HOMER3: variants seen among roughly 807,000 people sequenced by gnomAD.
HOMER3 encodes the protein homer protein homolog 3.
HOMER3 carries 34 observed loss-of-function variants against 45.5 expected under a neutral mutation model. The observed-to-expected ratio is 0.75, with a 90% CI of 0.57 to 1.00. The LOEUF (loss-of-function observed/expected upper bound fraction) is 1.00. Ranked by LOEUF, HOMER3 falls within the 50% of genes least tolerant of loss-of-function variation. HOMER3 has a pLI of 0.00. For synonymous variants in HOMER3, 223 were observed against 208.8 expected (o/e 1.07, Z -0.58); for missense variants, 480 against 497.5 (o/e 0.96, Z 0.33).
At chr19:18,938,509 G>C in intron 3 of HOMER3, 25 bp from the exon 4 acceptor site, 1 of 1,607,608 alleles carries the variant, frequency 6.2e-7, no homozygotes, top group African/African-American at 1.3e-5. Flanking sequence ...CAAAGTTCAA[G>C]GTAGATGGGA....
At chr19:18,931,132 C>T (rs2057026849) in intron 9 of HOMER3, 193 bp downstream of exon 9, 1 of 559,594 alleles carries the variant, frequency 1.8e-6, no homozygotes, top group African/African-American at 1.9e-5. Flanking sequence ...GGAACTCAAG[C>T]ATTGCTTGTT....
chr19:18,931,973 C>T lies in HOMER3; in HGVS notation c.690+3G>A, dbSNP rs1413964004. On this transcript the variant is annotated splice_donor_region_variant and intron_variant, in intron 7 of 9. Transcript: ENST00000392351. Reference sequence around the variant, plus strand: ...GGTCTCTCGGAGGGAGGGGTGCCCTCACCCGCTGCCGCAGCCGCTCGGCCT... The same window carrying T: ...GGTCTCTCGGAGGGAGGGGTGCCCTTACCCGCTGCCGCAGCCGCTCGGCCT... 1 of 1,524,914 alleles carries T rather than the reference C, an allele frequency of 6.6e-7. No homozygotes were observed. The highest frequency in any genetic ancestry group is 8.8e-7 in the Non-Finnish European group (1 of 1,135,570). 94.5% of individuals were successfully genotyped at this position (1,524,914 alleles called of 1,614,324 possible). A position where few individuals can be genotyped will look rare whatever the true frequency, so the allele number is the denominator to read the frequency against.
intron 4 of HOMER3, among the ~76,000 whole-genome samples, chr19:18,936,418 C>T (rs577434128): frequency 2.1e-4 from 30 of 142,596 alleles, no homozygotes; most frequent in Admixed American, 3.6e-4. Flanking sequence ...AGGCGGATTA[C>T]CTGAAGTCAG....
chr19:18,933,046 C>T lies in HOMER3; in HGVS notation c.412-1G>A. 1 of 1,489,534 alleles carries T rather than the reference C, an allele frequency of 6.7e-7. No homozygotes were observed. Among genetic ancestry groups the T allele is most frequent in the Non-Finnish European group, 8.9e-7 (1 of 1,124,540 alleles). 92.3% of individuals were successfully genotyped at this position (1,489,534 alleles called of 1,614,324 possible). Reference sequence around the variant, plus strand: ...CACTGACGAGAGGGCTCGGGGGCACCTAGGCACGGGGAAAAGAATAGGTCA... The same window carrying T: ...CACTGACGAGAGGGCTCGGGGGCACTTAGGCACGGGGAAAAGAATAGGTCA... On this transcript the variant is annotated splice_acceptor_variant, in intron 5 of 9. Coordinates refer to ENST00000392351, the MANE Select transcript of HOMER3 (RefSeq NM_004838.4). LOFTEE classifies it high-confidence loss of function.
At chr19:18,935,238 C>G (rs1371452469) in intron 4 of HOMER3, among the ~76,000 whole-genome samples, 2 of 149,722 alleles carry the variant, frequency 1.3e-5, no homozygotes, top group East Asian at 4.0e-4. Flanking sequence ...CTCCCAGGTT[C>G]AAGCGAGTCT....
intron 9 of HOMER3, among the ~76,000 whole-genome samples, chr19:18,930,661 G>A (rs371022035): frequency 1.4e-4 from 22 of 151,866 alleles, no homozygotes; most frequent in African/African-American, 4.3e-4. Context: ...GATTGCTCAC[G>A]GTCAGGAGTT....
chr19:18,938,709 A>AACCCC lies in HOMER3; in HGVS notation c.171+18_171+19insGGGGT. ...CCAGGACTCCTGGTGCCTCTGCCCCACCCAGACCCCACCCTGACCTTGGCG... is the reference window on the plus strand; with the variant it reads ...CCAGGACTCCTGGTGCCTCTGCCCCAACCCCCCCAGACCCCACCCTGACCTTGGCG... On this transcript the variant is annotated intron_variant, in intron 3 of 9. Coordinates refer to ENST00000392351, the MANE Select transcript of HOMER3 (RefSeq NM_004838.4). 6.4e-6 allele frequency: 6 copies of AACCCC among 940,898 alleles called. No individual in the cohort carries two copies. The highest frequency in any genetic ancestry group is 9.6e-6 in the Non-Finnish European group (6 of 626,770). The allele number at this position is 940,898 out of a possible 1,614,324, so 58.3% of individuals were successfully genotyped here. A position where few individuals can be genotyped will look rare whatever the true frequency, so the allele number is the denominator to read the frequency against.
At chr19:18,936,925 T>C (rs1471999083) in intron 4 of HOMER3, among the ~76,000 whole-genome samples, 1 of 149,350 alleles carries the variant, frequency 6.7e-6, no homozygotes, top group East Asian at 2.0e-4. Flanking sequence ...GGTGTGAACC[T>C]GGGAGGCAGA....
chr19:18,929,549 C>A lies in HOMER3; in HGVS notation c.980G>T (p.Arg327Leu). The change falls in exon 10 of 10, where the codon CGG becomes CTG. Residue 327 changes from arginine (R) to leucine (L), a missense_variant. Coordinates refer to ENST00000392351, the MANE Select transcript of HOMER3 (RefSeq NM_004838.4). ...TGCCCGGCCCACCTCAGCCCGCGCC[C>A]GCTCCCGCTCTGCCCGTGCCTCCTC... ...SLEEARAERE[R>L]ARAEVGRAAQ... 2 of 1,554,458 alleles carry A rather than the reference C, an allele frequency of 1.3e-6. No homozygotes were observed. The highest frequency in any genetic ancestry group is 1.7e-6 in the Non-Finnish European group (2 of 1,151,390).
intron 4 of HOMER3, among the ~76,000 whole-genome samples, chr19:18,937,000 CAAA>C (rs758983070): frequency 3.2e-5 from 3 of 93,412 alleles, no homozygotes; most frequent in African/African-American, 4.0e-5. Flanking sequence ...GACTCCGTCT[CAAA>C]AAAAAAAAAA....
intron 1 of HOMER3, 80 bp from the exon 2 acceptor site, chr19:18,939,129 AC>A: frequency 1.4e-6 from 1 of 735,376 alleles, no homozygotes; most frequent in Non-Finnish European, 2.1e-6. Context: ...AGGACCCATC[AC>A]CAGGTGTGCC....
Position 18,939,272 on chromosome 19 carries a change from T to G in HOMER3, c.-67-223A>C, listed in dbSNP as rs1601289810. The G allele has an allele frequency of 1.2e-5, 5 of 402,754 alleles. No individual in the cohort carries two copies. The East Asian group carries it at 1.9e-4, about 16-fold the overall frequency. 24.9% of individuals were successfully genotyped at this position (402,754 alleles called of 1,614,324 possible). Reference sequence around the variant, plus strand: ...CTGAGCAACATGGCGAGACCCCATCTCTACCAAAAATTTAAACAATTAGCT... The same window carrying G: ...CTGAGCAACATGGCGAGACCCCATCGCTACCAAAAATTTAAACAATTAGCT... On this transcript the variant is annotated intron_variant, in intron 1 of 9. Transcript: ENST00000392351.
intron 4 of HOMER3, among the ~76,000 whole-genome samples, chr19:18,934,876 T>TTG (rs3835349): frequency 0.29 from 44,317 of 150,548 alleles, 8,350 homozygotes; most frequent in Middle Eastern, 0.5. Context: ...TTTTTGTTTT[T>TTG]TTTTTTTTTG....
chr19:18,931,106 G>A, intron 9 of HOMER3: 1 of 526,310 alleles, frequency 1.9e-6, no homozygotes, highest in Non-Finnish European at 3.4e-6. Context: ...ACGGGGTCTG[G>A]CATGGGAATA....
Position 18,934,296 on chromosome 19 carries a change from T to A in HOMER3, c.411+7A>T. On this transcript the variant is annotated splice_region_variant and intron_variant, in intron 5 of 9. Transcript: ENST00000392351. ...CAGGCAGGCATAGGGGAGTAGGGAG[T>A]GCTGACCTGGTGGGAGGCGAGCCCC... 3 of 1,484,798 alleles carry A rather than the reference T, an allele frequency of 2.0e-6. No individual in the cohort carries two copies. Among genetic ancestry groups the A allele is most frequent in the Non-Finnish European group, 2.7e-6 (3 of 1,110,442 alleles). The allele number at this position is 1,484,798 out of a possible 1,614,324, so 92.0% of individuals were successfully genotyped here.
chr19:18,940,745 G>C (rs2057147240), intron 1 of HOMER3: 1 of 151,812 alleles, frequency 6.6e-6, no homozygotes, highest in African/African-American at 2.4e-5. Context: ...CCAGTCCCTG[G>C]GTCCGGGACG....
At chr19:18,936,240 G>A (rs1481145337) in intron 4 of HOMER3, among the ~76,000 whole-genome samples, 1 of 150,314 alleles carries the variant, frequency 6.7e-6, no homozygotes, top group Non-Finnish European at 1.5e-5. Flanking sequence ...TTGAACCGGG[G>A]AGGCGGAAGT....
intron 9 of HOMER3, 131 bp downstream of exon 9, chr19:18,931,194 C>G (rs1388771327): frequency 1.3e-6 from 1 of 751,918 alleles, no homozygotes; most frequent in Non-Finnish European, 2.2e-6. Flanking sequence ...TCACGCGGCA[C>G]CTGCTGGGCA....
rs955099613 is a variant in HOMER3, at chr19:18,931,761, C to G, written c.691-136G>C. 3 of 1,474,188 alleles carry G rather than the reference C, an allele frequency of 2.0e-6. No individual in the cohort carries two copies. The East Asian group carries it at 7.1e-5, about 35-fold the overall frequency. The allele number at this position is 1,474,188 out of a possible 1,614,324, so 91.3% of individuals were successfully genotyped here. On this transcript the variant is annotated intron_variant, in intron 7 of 9. Coordinates refer to ENST00000392351, the MANE Select transcript of HOMER3 (RefSeq NM_004838.4). ...TCTCCCTTGGTTGGTGCCACCACCC[C>G]CCTCTGCACAGCTTGGACTTTAGTG...
Sources: allele counts gnomAD v4.1 joint callset (sites outside exome capture counted in the v4.1 genomes callset), GRCh38; gene constraint gnomAD v4.1.1; transcripts MANE v1.5; gene names NCBI Gene and HGNC (gene_info 2026-07-23, HGNC 2026-07-21).